The following TRAPPC9 variants were observed in gnomAD, a reference collection of about 807,000 sequenced individuals.
TRAPPC9 encodes the protein IKK2 binding protein.
Under a neutral mutation model 124.0 loss-of-function variants are expected in TRAPPC9, and 83 were observed. The ratio of observed to expected loss-of-function variants is 0.67; its 90% CI spans 0.56 to 0.80. The LOEUF is 0.80. Ranked by LOEUF, TRAPPC9 falls within the 30% of genes least tolerant of loss-of-function variation. The probability of loss-of-function intolerance (pLI) is 0.00; values close to 1 mark genes in which losing one functional copy is unlikely to be tolerated. For missense variants in TRAPPC9, 1,302 were observed against 1,508.3 expected (o/e 0.86, Z 2.27); for synonymous variants, 638 against 617.5 (o/e 1.03, Z -0.49).
intron 17 of TRAPPC9, among the ~76,000 whole-genome samples, chr8:140,206,549 C>A (rs2062921244): frequency 6.6e-6 from 1 of 151,994 alleles, no homozygotes; most frequent in Non-Finnish European, 1.5e-5. Context: ...TAAATTCTGG[C>A]TAGGGGTGAG....
intron 1 of TRAPPC9, among the ~76,000 whole-genome samples, chr8:140,457,377 G>A (rs1045812150): frequency 2.0e-5 from 3 of 152,224 alleles, no homozygotes; most frequent in South Asian, 2.1e-4. Context: ...CCGGACAGGT[G>A]TCCGCCGAGT....
intron 17 of TRAPPC9, among the ~76,000 whole-genome samples, chr8:140,111,540 C>T (rs1263996025): frequency 2.0e-5 from 3 of 152,218 alleles, no homozygotes; most frequent in Non-Finnish European, 4.4e-5. Flanking sequence ...GGGCACTCAG[C>T]GACAGCTGCA....
chr8:140,264,893 C>T (rs1431777061), intron 15 of TRAPPC9, among the ~76,000 whole-genome samples: 2 of 152,090 alleles, frequency 1.3e-5, no homozygotes, highest in African/African-American at 4.8e-5. Context: ...GGGATGACCA[C>T]GTGAGAGAGG....
At chr8:140,396,138 CTTTTTTTTTTT>C (rs59266343) in intron 7 of TRAPPC9, among the ~76,000 whole-genome samples, 2 of 83,344 alleles carry the variant, frequency 2.4e-5, no homozygotes, top group African/African-American at 1.1e-4. Flanking sequence ...AAGACCTTGC[CTTTTTTTTTTT>C]TTTTTTTTTG....
chr8:140,069,652 TATCAGGC>T (rs773802316), intron 17 of TRAPPC9, among the ~76,000 whole-genome samples: 14 of 152,146 alleles, frequency 9.2e-5, no homozygotes, highest in Non-Finnish European at 1.6e-4. Flanking sequence ...CTGATGGGTG[TATCAGGC>T]AGGGTTCTCT....
At chr8:139,857,822 G>C (rs1462375615) in intron 21 of TRAPPC9, among the ~76,000 whole-genome samples, 3 of 152,344 alleles carry the variant, frequency 2.0e-5, no homozygotes, top group Non-Finnish European at 4.4e-5. Context: ...AGGTGCAATG[G>C]ACCCAGGTGG....
In TRAPPC9 at chr8:140,063,902, G is replaced by A. The variant is rs978087074; in HGVS notation, c.2557-39823C>T. ...AGGCACACGGGTGGCCCTGCCTCCC[G>A]AAACATGCTGGCCCCTGCTCTGCCT... On this transcript the variant is annotated intron_variant, in intron 17 of 22. Coordinates refer to ENST00000438773, the MANE Select transcript of TRAPPC9 (RefSeq NM_001160372.4). This position sits in a 1 kb window ranked among gnomAD's most constrained non-coding sequence, Gnocchi z 4.3. Among the ~76,000 whole-genome samples, 3 of 152,072 alleles carry A rather than the reference G, an allele frequency of 2.0e-5. No homozygotes were observed. Among genetic ancestry groups the A allele is most frequent in the Admixed American group, 1.3e-4 (2 of 15,272 alleles).
intron 17 of TRAPPC9, among the ~76,000 whole-genome samples, chr8:140,033,671 T>G (rs1031163621): frequency 1.8e-4 from 15 of 82,928 alleles, no homozygotes; most frequent in Non-Finnish European, 2.0e-4. Context: ...TTTTTTTTTT[T>G]TTTTTTTTTT....
intron 18 of TRAPPC9, among the ~76,000 whole-genome samples, chr8:139,995,861 T>TAAAAAAAAAAAAA (rs35970083): frequency 1.0e-5 from 1 of 96,888 alleles, no homozygotes; most frequent in Non-Finnish European, 2.0e-5. Flanking sequence ...TACTCTGCAT[T>TAAAAAAAAAAAAA]AAAAAAAAAA....
intron 5 of TRAPPC9, among the ~76,000 whole-genome samples, chr8:140,416,789 G>A (rs2069946804): frequency 6.6e-6 from 1 of 152,128 alleles, no homozygotes; most frequent in Admixed American, 6.6e-5. Context: ...GAACAAAGCT[G>A]GAGGCATCAC....
intron 18 of TRAPPC9, among the ~76,000 whole-genome samples, chr8:140,001,397 T>C: frequency 6.6e-6 from 1 of 151,236 alleles, no homozygotes; most frequent in Admixed American, 6.6e-5. Context: ...ATAATAATAA[T>C]AATAATAAAA....
Position 139,825,366 on chromosome 8 carries a change from T to C in TRAPPC9, c.3055+60513A>G, listed in dbSNP as rs987687520. On this transcript the variant is annotated intron_variant, in intron 21 of 22. Transcript: ENST00000438773. This position sits in a 1 kb window ranked among gnomAD's most constrained non-coding sequence, Gnocchi z 4.6. ...CCTGGTGCAGGCGGCACTGGCATCCTGTGAGGATGAAGGCCTGTCCATCCC... is the reference window on the plus strand; with the variant it reads ...CCTGGTGCAGGCGGCACTGGCATCCCGTGAGGATGAAGGCCTGTCCATCCC... Among the ~76,000 whole-genome samples the C allele has an allele frequency of 3.9e-5, 6 of 152,064 alleles. No homozygotes were observed. The highest frequency in any genetic ancestry group is 1.4e-4 in the African/African-American group (6 of 41,406).
rs528807042 is a variant in TRAPPC9 at position 140,299,133 on chromosome 8, T to C, written c.1768+1336A>G. ...GATGTGACAACAAGAGAGCCAATGA[T>C]AGAGGGGCAGGGGACGAGTTCCTGG... is the stretch of plus-strand genomic sequence containing the variant. On this transcript the variant is annotated intron_variant, in intron 11 of 22. Transcript: ENST00000438773. Among the ~76,000 whole-genome samples, 129 of 152,142 alleles carry C rather than the reference T, an allele frequency of 8.5e-4. 1 individual carries two copies. In the South Asian group the frequency reaches 0.016, roughly 19 times the overall value.
intron 6 of TRAPPC9, among the ~76,000 whole-genome samples, chr8:140,402,090 T>G (rs1312999155): frequency 6.6e-6 from 1 of 151,938 alleles, no homozygotes; most frequent in Non-Finnish European, 1.5e-5. Flanking sequence ...TGGGAGGTTA[T>G]GTGTAGTGGC....
At position 140,127,204 on chromosome 8, in the gene TRAPPC9, G is replaced by A. The variant is rs2130670612; in HGVS notation, c.2556+94255C>T. ...AATCGTTGTTTCTCTCAAACATGCA[G>A]GTTTGGAACAAACAAGGATCTGGAT... On this transcript the variant is annotated intron_variant, in intron 17 of 22. Transcript: ENST00000438773. Among the ~76,000 whole-genome samples the A allele has an allele frequency of 3.3e-5, 5 of 152,266 alleles. 1 individual carries two copies. In the Middle Eastern group the frequency reaches 0.014, roughly 414 times the overall value.
At chr8:139,953,361 C>T (rs956879598) in intron 19 of TRAPPC9, among the ~76,000 whole-genome samples, 1 of 152,072 alleles carries the variant, frequency 6.6e-6, no homozygotes, top group Non-Finnish European at 1.5e-5. Flanking sequence ...GGCATGGGGG[C>T]GCACACCTAT....
intron 17 of TRAPPC9, among the ~76,000 whole-genome samples, chr8:140,185,176 A>G (rs2062323932): frequency 6.6e-6 from 1 of 152,132 alleles, no homozygotes; most frequent in East Asian, 1.9e-4. Flanking sequence ...AAGACATGGG[A>G]AGCATCCAAC....
chr8:140,263,308 C>T (rs1315147767), intron 15 of TRAPPC9, among the ~76,000 whole-genome samples: 1 of 152,112 alleles, frequency 6.6e-6, no homozygotes, highest in African/African-American at 2.4e-5. Context: ...CCATTACTCT[C>T]AGAGCTCCGG....
intron 18 of TRAPPC9, among the ~76,000 whole-genome samples, chr8:140,006,370 T>C (rs976225640): frequency 6.6e-6 from 1 of 152,214 alleles, no homozygotes; most frequent in Non-Finnish European, 1.5e-5. Flanking sequence ...TTGGCAAGAA[T>C]GTGCAGAAAT....
Sources: allele counts gnomAD v4.1 joint callset (sites outside exome capture counted in the v4.1 genomes callset), GRCh38; gene constraint gnomAD v4.1.1; non-coding constraint Gnocchi (gnomAD v3.1); transcripts MANE v1.5; gene names NCBI Gene and HGNC (gene_info 2026-07-23, HGNC 2026-07-21).